The following CSMD1 variants were observed in gnomAD, a reference collection of about 807,000 sequenced individuals.
The protein encoded by CSMD1 is CUB and sushi domain-containing protein 1.
A neutral mutation model predicts 417.5 loss-of-function variants in CSMD1; 213 were observed. The observed-to-expected ratio is 0.51, with a 90% confidence interval of 0.46 to 0.57. The LOEUF (loss-of-function observed/expected upper bound fraction) is 0.57, where lower values mean the gene tolerates loss of function less well. Ranked by LOEUF, CSMD1 falls within the 20% of genes least tolerant of loss-of-function variation. The probability of loss-of-function intolerance (pLI) is 0.00; values close to 1 mark genes in which losing one functional copy is unlikely to be tolerated. For synonymous variants in CSMD1, 2,862 were observed against 1,736.8 expected (o/e 1.65, Z -16.11); for missense variants, 6,923 against 4,529.7 (o/e 1.53, Z -15.17).
chr8:3,134,619 T>C (rs1206940459), intron 41 of CSMD1, among the ~76,000 whole-genome samples: 1 of 152,178 alleles, frequency 6.6e-6, no homozygotes, highest in African/African-American at 2.4e-5. Context: ...ACTGACTTCA[T>C]TAGGTTTAAA....
rs570634334 is a variant in CSMD1 at position 4,335,673 on chromosome 8, T to C, written c.415+84280A>G. Among the ~76,000 whole-genome samples the C allele has an allele frequency of 6.6e-5, 10 of 152,258 alleles. No homozygotes were observed. The South Asian group carries it at 1.5e-3, about 22-fold the overall frequency. Reference sequence around the variant, plus strand: ...GAAAAGTTGCTGGGAGCATGAAGTATATTGTGCAAAATTGTTACAGAATAT... The same window carrying C: ...GAAAAGTTGCTGGGAGCATGAAGTACATTGTGCAAAATTGTTACAGAATAT... On this transcript the variant is annotated intron_variant, in intron 3 of 69. Transcript: ENST00000635120.
chr8:4,594,838 G>C (rs1800171621), intron 2 of CSMD1, among the ~76,000 whole-genome samples: 1 of 152,068 alleles, frequency 6.6e-6, no homozygotes, highest in Admixed American at 6.6e-5. Context: ...AAGTGTCTAG[G>C]ACACAATTCC....
intron 23 of CSMD1, among the ~76,000 whole-genome samples, chr8:3,320,532 T>G (rs1317371312): frequency 6.6e-6 from 1 of 152,202 alleles, no homozygotes; most frequent in African/African-American, 2.4e-5. Flanking sequence ...CTTTTTTTAT[T>G]CTACAACTAA....
At chr8:3,865,366 T>C (rs1035371649) in intron 5 of CSMD1, among the ~76,000 whole-genome samples, 20 of 152,150 alleles carry the variant, frequency 1.3e-4, no homozygotes, top group Non-Finnish European at 7.4e-5. Flanking sequence ...GAAACTGGGT[T>C]TGCAACTGAA....
chr8:3,402,875 T>C (rs943895126), intron 15 of CSMD1, among the ~76,000 whole-genome samples: 2 of 152,144 alleles, frequency 1.3e-5, no homozygotes, highest in South Asian at 2.1e-4. Flanking sequence ...TCTTTATTTT[T>C]TGATCATTTT....
intron 18 of CSMD1, among the ~76,000 whole-genome samples, chr8:3,384,658 TAATA>T (rs749785242): frequency 1.1e-4 from 15 of 137,080 alleles, no homozygotes; most frequent in Non-Finnish European, 2.1e-4. Flanking sequence ...ACATATAAAT[TAATA>T]TAGATGCTAT....
chr8:4,857,514 C>T (rs1006341095), intron 1 of CSMD1, among the ~76,000 whole-genome samples: 88 of 151,874 alleles, frequency 5.8e-4, no homozygotes, highest in Non-Finnish European at 8.5e-4. Context: ...ATTGATAGAC[C>T]GCTAGCAAGA....
chr8:3,379,542 A>C (rs1264417878), intron 18 of CSMD1, among the ~76,000 whole-genome samples: 1 of 152,238 alleles, frequency 6.6e-6, no homozygotes, highest in Non-Finnish European at 1.5e-5. Flanking sequence ...ACTGGTACCA[A>C]AGCAGATATA....
intron 3 of CSMD1, among the ~76,000 whole-genome samples, chr8:4,389,345 G>C (rs1049151154): frequency 2.6e-5 from 4 of 152,092 alleles, no homozygotes; most frequent in African/African-American, 9.7e-5. Context: ...TGAGTGTAAA[G>C]AGCTGATATG....
In CSMD1 at chr8:2,963,441, G is replaced by A. The variant is rs1803680397; in HGVS notation, c.9281-46C>T. The A allele has an allele frequency of 1.9e-6, 3 of 1,585,230 alleles. No homozygotes were observed. The East Asian group carries it at 6.8e-5, about 36-fold the overall frequency. ...AGATCAACATTCCGGAGCTCCCGCT[G>A]CAGCGGTGATGTTCAAACGATTCCC... On this transcript the variant is annotated intron_variant, in intron 59 of 69. Coordinates refer to ENST00000635120, the MANE Select transcript of CSMD1 (RefSeq NM_033225.6).
At chr8:4,117,916 G>C (rs4279613) in intron 3 of CSMD1, among the ~76,000 whole-genome samples, 147,224 of 148,838 alleles carry the variant, frequency 0.99, 72,840 homozygotes, top group East Asian at 1. Context: ...ACTAGAGAAA[G>C]AAATTTTCCT....
chr8:4,311,179 A>T (rs921244325), intron 3 of CSMD1, among the ~76,000 whole-genome samples: 1 of 152,180 alleles, frequency 6.6e-6, no homozygotes, highest in African/African-American at 2.4e-5. Flanking sequence ...AAATCATTCC[A>T]CCATAAAGAC....
intron 3 of CSMD1, among the ~76,000 whole-genome samples, chr8:4,396,483 A>T (rs1804223250): frequency 6.6e-6 from 1 of 152,084 alleles, no homozygotes; most frequent in African/African-American, 2.4e-5. Context: ...CTGCAATGGG[A>T]ATTGCACTGG....
chr8:3,471,176 G>A (rs1223253476), intron 11 of CSMD1, among the ~76,000 whole-genome samples: 2 of 152,190 alleles, frequency 1.3e-5, no homozygotes, highest in Non-Finnish European at 2.9e-5. Context: ...GGCATTCGGT[G>A]TTGTCGGCAT....
At chr8:3,816,779 T>G (rs1801391662) in intron 5 of CSMD1, among the ~76,000 whole-genome samples, 1 of 152,318 alleles carries the variant, frequency 6.6e-6, no homozygotes, top group Non-Finnish European at 1.5e-5. Context: ...AATAATTTTT[T>G]TAAAATATGG....
At chr8:3,392,628 G>C (rs1240488629) in intron 17 of CSMD1, among the ~76,000 whole-genome samples, 1 of 151,926 alleles carries the variant, frequency 6.6e-6, no homozygotes, top group African/African-American at 2.4e-5. Flanking sequence ...ACCTTATTCA[G>C]AATCACCTCG....
chr8:4,155,160 C>T (rs1489517568), intron 3 of CSMD1, among the ~76,000 whole-genome samples: 1 of 152,144 alleles, frequency 6.6e-6, no homozygotes, highest in Admixed American at 6.5e-5. Context: ...AAAAGAGGCA[C>T]TGACTGTTTA....
intron 1 of CSMD1, among the ~76,000 whole-genome samples, chr8:4,909,759 G>T (rs924035524): frequency 6.6e-6 from 1 of 152,134 alleles, no homozygotes; most frequent in Non-Finnish European, 1.5e-5. Context: ...AGCTCCTATA[G>T]TCTCTGATCC....
At chr8:3,734,778 T>G (rs1796441094) in intron 6 of CSMD1, among the ~76,000 whole-genome samples, 1 of 152,226 alleles carries the variant, frequency 6.6e-6, no homozygotes, top group Non-Finnish European at 1.5e-5. Flanking sequence ...ATCAGATCTC[T>G]CTGCTCTCTG....
Sources: allele counts gnomAD v4.1 joint callset (sites outside exome capture counted in the v4.1 genomes callset), GRCh38; gene constraint gnomAD v4.1.1; transcripts MANE v1.5; gene names NCBI Gene and HGNC (gene_info 2026-07-23, HGNC 2026-07-21).